The following TENM2 variants were observed in gnomAD, a reference collection of about 807,000 sequenced individuals.
The protein encoded by TENM2 is teneurin transmembrane protein 2, also known as teneurin-2.
TENM2 carries 52 observed loss-of-function variants against 245.2 expected under a neutral mutation model. The ratio of observed to expected loss-of-function variants is 0.21; its 90% CI spans 0.17 to 0.27. The LOEUF (loss-of-function observed/expected upper bound fraction) is 0.27. Among genes scored for constraint, TENM2 ranks in the 10% least tolerant of loss-of-function variants. TENM2 has a pLI of 1.00. For missense variants in TENM2, 3,046 were observed against 3,666.8 expected, an observed-to-expected ratio of 0.83 and a Z score of 4.37; for synonymous variants, 1,363 against 1,438.9, an observed-to-expected ratio of 0.95 and a Z score of 1.19.
chr5:167,710,419 C>T (rs1425703934), intron 2 of TENM2, among the ~76,000 whole-genome samples: 2 of 152,122 alleles, frequency 1.3e-5, no homozygotes, highest in African/African-American at 4.8e-5. Flanking sequence ...CCTGGGAGCA[C>T]TTAAGTAACC....
At chr5:167,831,901 G>A (rs1768528944) in intron 2 of TENM2, among the ~76,000 whole-genome samples, 1 of 151,854 alleles carries the variant, frequency 6.6e-6, no homozygotes, top group Non-Finnish European at 1.5e-5. Flanking sequence ...ATGCAGCCGT[G>A]CAGTTATTGT....
intron 2 of TENM2, among the ~76,000 whole-genome samples, chr5:167,751,066 G>A (rs1366765658): frequency 6.6e-6 from 1 of 152,148 alleles, no homozygotes; most frequent in Admixed American, 6.5e-5. Flanking sequence ...GAACTGGGAG[G>A]AAAAATGATG....
intron 2 of TENM2, among the ~76,000 whole-genome samples, chr5:167,522,445 A>C (rs1770827609): frequency 6.6e-6 from 1 of 152,050 alleles, no homozygotes; most frequent in Admixed American, 6.6e-5. Flanking sequence ...TCTGTTCCTC[A>C]TTCTGCCTTA....
intron 2 of TENM2, among the ~76,000 whole-genome samples, chr5:167,620,694 A>G (rs1561608834): frequency 1.3e-5 from 2 of 151,812 alleles, no homozygotes; most frequent in South Asian, 2.1e-4. Flanking sequence ...TAGACTTACA[A>G]TCCTCTCCTC....
chr5:167,236,839 C>A, the TENM2 span, among the ~76,000 whole-genome samples: 4 of 151,330 alleles, frequency 2.6e-5, no homozygotes, highest in Admixed American at 2.6e-4. Context: ...CACTGGCTGG[C>A]TGACCACATT....
rs575059559 is a variant in TENM2 at position 167,945,318 on chromosome 5, A to C, written c.713-7270A>C. On this transcript the variant is annotated intron_variant, in intron 3 of 28. Transcript: ENST00000518659. Reference sequence around the variant, plus strand: ...AATATAAGCAGTGGGCAAATCAAGCACCCGGGGGGGGCACAGATACGTTAC... The same window carrying C: ...AATATAAGCAGTGGGCAAATCAAGCCCCCGGGGGGGGCACAGATACGTTAC... Among the ~76,000 whole-genome samples the C allele has an allele frequency of 3.9e-3, 583 of 149,024 alleles. 3 individuals are homozygous for C. Among genetic ancestry groups the C allele is most frequent in the African/African-American group, 0.014 (536 of 39,678 alleles).
chr5:167,535,609 G>A (rs990448747), intron 2 of TENM2, among the ~76,000 whole-genome samples: 1 of 152,128 alleles, frequency 6.6e-6, no homozygotes, highest in African/African-American at 2.4e-5. Context: ...TAAAAGGGCT[G>A]GGGGAAACTA....
At chr5:166,992,724 G>C in the TENM2 span, among the ~76,000 whole-genome samples, 1 of 152,118 alleles carries the variant, frequency 6.6e-6, no homozygotes, top group Non-Finnish European at 1.5e-5. Flanking sequence ...GGGGGTCTAA[G>C]GGTGGAGTTA....
the TENM2 span, among the ~76,000 whole-genome samples, chr5:167,274,846 A>G: frequency 6.6e-6 from 1 of 151,736 alleles, no homozygotes; most frequent in African/African-American, 2.4e-5. Context: ...TTCTAATTGT[A>G]TTGTTTAGAA....
chr5:168,118,432 A>G, exon 10 of TENM2: 5 of 1,609,642 alleles, frequency 3.1e-6, no homozygotes, highest in Non-Finnish European at 4.2e-6. Flanking sequence ...CGGCTCCTGC[A>G]TTGATGGGAA....
the TENM2 span, among the ~76,000 whole-genome samples, chr5:167,021,415 C>T: frequency 6.6e-6 from 1 of 152,168 alleles, no homozygotes; most frequent in African/African-American, 2.4e-5. Context: ...AATTTAATTT[C>T]CCATTACTTT....
At chr5:167,367,061 A>T (rs980919154) in intron 1 of TENM2, among the ~76,000 whole-genome samples, 1 of 152,134 alleles carries the variant, frequency 6.6e-6, no homozygotes, top group African/African-American at 2.4e-5. Flanking sequence ...CTTTGTTCAG[A>T]TTGGAATGGG....
chr5:167,475,959 A>G (rs1324727219), intron 2 of TENM2, among the ~76,000 whole-genome samples: 1 of 152,178 alleles, frequency 6.6e-6, no homozygotes, highest in Non-Finnish European at 1.5e-5. Flanking sequence ...AAAAAAATAC[A>G]TGTACATGCG....
chr5:167,034,778 A>G, the TENM2 span, among the ~76,000 whole-genome samples: 3 of 152,056 alleles, frequency 2.0e-5, no homozygotes, highest in Admixed American at 2.0e-4. Flanking sequence ...GCTCAAAGTC[A>G]TGGGTGGGTT....
At chr5:167,070,126 T>C in the TENM2 span, among the ~76,000 whole-genome samples, 1 of 150,676 alleles carries the variant, frequency 6.6e-6, no homozygotes, top group Non-Finnish European at 1.5e-5. Context: ...TATTTATTTA[T>C]TTATTTTTTG....
At chr5:167,123,891 AT>A in the TENM2 span, among the ~76,000 whole-genome samples, 1 of 152,240 alleles carries the variant, frequency 6.6e-6, no homozygotes, top group Non-Finnish European at 1.5e-5. Context: ...AACATTGGCA[AT>A]ACATTTTCAA....
chr5:167,780,983 C>T (rs897271735), intron 2 of TENM2, among the ~76,000 whole-genome samples: 3 of 152,024 alleles, frequency 2.0e-5, no homozygotes, highest in Non-Finnish European at 4.4e-5. Flanking sequence ...TTGCTGTTAC[C>T]TTCTATTTAT....
chr5:168,217,955 C>T (rs1763346953), intron 22 of TENM2, among the ~76,000 whole-genome samples, 170 bp from the exon 25 acceptor site: 1 of 152,130 alleles, frequency 6.6e-6, no homozygotes, highest in African/African-American at 2.4e-5. Flanking sequence ...CTCCATCACA[C>T]CCACTCATCA....
chr5:168,227,247 A>G (rs1361390195), intron 24 of TENM2, among the ~76,000 whole-genome samples: 2 of 152,180 alleles, frequency 1.3e-5, no homozygotes, highest in Non-Finnish European at 2.9e-5. Flanking sequence ...TGTAGTTTCC[A>G]CTGGGGAAGA....
Sources: allele counts gnomAD v4.1 joint callset (sites outside exome capture counted in the v4.1 genomes callset), GRCh38; gene constraint gnomAD v4.1.1; transcripts MANE v1.5; gene names NCBI Gene and HGNC (gene_info 2026-07-23, HGNC 2026-07-21).